The following RPAP2 variants were observed in gnomAD, a reference collection of about 807,000 sequenced individuals.
RPAP2 encodes RNA polymerase II associated protein 2, also known as putative RNA polymerase II subunit B1 CTD phosphatase RPAP2.
Under a neutral mutation model 73.1 loss-of-function variants are expected in RPAP2, and 52 were observed. That is an observed-to-expected ratio of 0.71 (90% CI 0.57 to 0.90). The LOEUF (loss-of-function observed/expected upper bound fraction) is 0.90, where lower values mean the gene tolerates loss of function less well. Among genes scored for constraint, RPAP2 ranks in the 40% least tolerant of loss-of-function variants. The pLI, the probability that RPAP2 is intolerant of heterozygous loss-of-function variation, is 0.00. For synonymous variants in RPAP2, 225 were observed against 242.1 expected (o/e 0.93, Z 0.65); for missense variants, 598 against 701.8 (o/e 0.85, Z 1.67).
At position 92,398,467 on chromosome 1, in the gene RPAP2, A is replaced by G. The variant is rs1656240101; in HGVS notation, c.*11456A>G. ...ATTAGGGGACAAGATCAATTCTCTA[A>G]AAAATTAACCTAGCCCAAGGTAAGT... On this transcript the variant is annotated 3_prime_UTR_variant, in exon 13 of 13. Coordinates refer to ENST00000610020, the MANE Select transcript of RPAP2 (RefSeq NM_024813.3). 6.6e-6 allele frequency: 1 copy of G among 152,206 alleles called. No individual in the cohort carries two copies. The highest frequency in any genetic ancestry group is 2.4e-5 in the African/African-American group (1 of 41,460). The allele number at this position is 152,206 out of a possible 1,614,324, so 9.4% of individuals were successfully genotyped here.
At chr1:92,320,884 T>C (rs1292756765) in intron 7 of RPAP2, among the ~76,000 whole-genome samples, 1 of 152,214 alleles carries the variant, frequency 6.6e-6, no homozygotes, top group Non-Finnish European at 1.5e-5. Flanking sequence ...CCTGTTGAAA[T>C]ATGACATAAA....
intron 1 of RPAP2, among the ~76,000 whole-genome samples, chr1:92,299,498 C>T (rs1439084061): frequency 1.3e-5 from 2 of 152,116 alleles, no homozygotes; most frequent in African/African-American, 4.8e-5. Flanking sequence ...GACCGGTCCT[C>T]CTTTCCAGAT....
intron 2 of RPAP2, 51 bp from the exon 3 acceptor site, chr1:92,301,425 A>C (rs1011173055): frequency 2.2e-6 from 2 of 916,962 alleles, no homozygotes; most frequent in East Asian, 2.6e-5. Context: ...AAAACATGGA[A>C]TGTTGGACAT....
chr1:92,347,902 G>C (rs1184299215), intron 11 of RPAP2, among the ~76,000 whole-genome samples: 1 of 152,012 alleles, frequency 6.6e-6, no homozygotes, highest in Non-Finnish European at 1.5e-5. Flanking sequence ...TTTCATATTG[G>C]GCAATCAATC....
In RPAP2 at chr1:92,330,403, A is replaced by G. The variant is rs138050988; in HGVS notation, c.1456-2988A>G. On this transcript the variant is annotated intron_variant, in intron 8 of 12. Coordinates refer to ENST00000610020, the MANE Select transcript of RPAP2 (RefSeq NM_024813.3). The stretch of plus-strand genomic sequence containing the variant: ...AAATGTTTAGAAGATCACTCATTGA[A>G]CTATCTTTTCCTCTGATTTTCTTTG... 2.5e-3 allele frequency among the ~76,000 whole-genome samples: 381 copies of G among 149,978 alleles called. 3 individuals are homozygous for G. Among genetic ancestry groups the G allele is most frequent in the South Asian group, 9.2e-3 (44 of 4,762 alleles).
In RPAP2 at chr1:92,323,494, T is replaced by C. The variant is rs779030687; in HGVS notation, c.574T>C (p.Ser192Pro). 4 of 1,613,334 alleles carry C rather than the reference T, an allele frequency of 2.5e-6. No individual in the cohort carries two copies. The highest frequency in any genetic ancestry group is 2.5e-6 in the Non-Finnish European group (3 of 1,179,624). The change falls in exon 8 of 13, where the codon TCA becomes CCA. Residue 192 changes from serine to proline, a missense_variant. Ser to Pro is a moderately conservative substitution (Grantham distance 74). This residue lies in a region of RPAP2 where 506 missense variants were observed against 612.8 expected (regional missense o/e 0.83). Transcript: ENST00000610020. ...GTTATGCAGTAAAGCCATTAAAACATCAGATATCGACAATCCTAGCCACTT... is the reference window on the plus strand; with the variant it reads ...GTTATGCAGTAAAGCCATTAAAACACCAGATATCGACAATCCTAGCCACTT... ...VQLCSKAIKTSDIDNPSHFEK... is the reference protein window; with the variant it reads ...VQLCSKAIKTPDIDNPSHFEK...
intron 6 of RPAP2, among the ~76,000 whole-genome samples, chr1:92,307,750 T>C (rs1016993650): frequency 2.6e-5 from 4 of 152,132 alleles, no homozygotes; most frequent in Admixed American, 6.5e-5. Context: ...AAAAAGAGTT[T>C]ATGGGCAATG....
At position 92,343,459 on chromosome 1, in the gene RPAP2, T is replaced by C. The variant is rs536101646; in HGVS notation, c.1620-2387T>C. On this transcript the variant is annotated intron_variant, in intron 10 of 12. Transcript: ENST00000610020. Reference sequence around the variant, plus strand: ...CATATCTTTCAGACTCTAACCATTATATACTGTACTTCCTATCATCTAGGC... The same window carrying C: ...CATATCTTTCAGACTCTAACCATTACATACTGTACTTCCTATCATCTAGGC... Among the ~76,000 whole-genome samples the C allele has an allele frequency of 1.9e-3, 284 of 152,318 alleles. 1 individual carries two copies. Among genetic ancestry groups the C allele is most frequent in the African/African-American group, 6.1e-3 (254 of 41,574 alleles).
intron 6 of RPAP2, 120 bp downstream of exon 6, chr1:92,307,396 T>A (rs750501530): frequency 6.5e-6 from 4 of 614,384 alleles, no homozygotes; most frequent in Non-Finnish European, 1.1e-5. Flanking sequence ...TTATATACTT[T>A]ATGGGGAAAT....
chr1:92,327,661 G>A (rs982962452), intron 8 of RPAP2, among the ~76,000 whole-genome samples: 9 of 151,338 alleles, frequency 5.9e-5, no homozygotes, highest in African/African-American at 2.2e-4. Context: ...TTCAATGTTA[G>A]TATTGAGATG....
In RPAP2 at chr1:92,373,733, T is replaced by TAAAAAAAAAAAA. The variant is rs1395822870; in HGVS notation, c.1689-6986_1689-6985insAAAAAAAAAAAA. ...CAACATGGTGAAACCCCGTCTCTAC[T>TAAAAAAAAAAAA]AAAAATAAAAAAAAAAAAAAAAAAA... On this transcript the variant is annotated intron_variant, in intron 11 of 12. Transcript: ENST00000610020. 1.5e-4 allele frequency among the ~76,000 whole-genome samples: 6 copies of TAAAAAAAAAAAA among 40,904 alleles called. 1 individual carries two copies. Among genetic ancestry groups the TAAAAAAAAAAAA allele is most frequent in the Admixed American group, 3.8e-4 (1 of 2,666 alleles). The allele number at this position is 40,904 out of a possible 152,430, so 26.8% of individuals were successfully genotyped here.
In RPAP2 at chr1:92,300,240, G is replaced by A. The variant is rs1650721638; in HGVS notation, c.119+1G>A. The A allele has an allele frequency of 6.2e-7, 1 of 1,605,620 alleles. No homozygotes were observed. The highest frequency in any genetic ancestry group is 8.5e-7 in the Non-Finnish European group (1 of 1,173,014). On this transcript the variant is annotated splice_donor_variant, in intron 2 of 12. Transcript: ENST00000610020. LOFTEE classifies it high-confidence loss of function. ...TGAAACAAGAAGATGCTTCTAAAAG[G>A]TATGACAGCTACATGGACAACTACA...
intron 11 of RPAP2, among the ~76,000 whole-genome samples, chr1:92,375,648 T>C (rs1429602363): frequency 2.6e-5 from 4 of 152,126 alleles, no homozygotes; most frequent in Non-Finnish European, 5.9e-5. Flanking sequence ...CTGGCCAACA[T>C]GGTGAAACCC....
At position 92,390,171 on chromosome 1, in the gene RPAP2, A is replaced by C. The variant is rs1308207727; in HGVS notation, c.*3160A>C. 1 of 152,248 alleles carries C rather than the reference A, an allele frequency of 6.6e-6. No individual in the cohort carries two copies. The highest frequency in any genetic ancestry group is 2.4e-5 in the African/African-American group (1 of 41,462). 9.4% of individuals were successfully genotyped at this position (152,248 alleles called of 1,614,324 possible). On this transcript the variant is annotated 3_prime_UTR_variant, in exon 13 of 13. Coordinates refer to ENST00000610020, the MANE Select transcript of RPAP2 (RefSeq NM_024813.3). Reference sequence around the variant, plus strand: ...AAAGGTCAGGTTACCCACAAAGGGAAGCCCATCAGATTAACAGCGGACCTC... The same window carrying C: ...AAAGGTCAGGTTACCCACAAAGGGACGCCCATCAGATTAACAGCGGACCTC...
chr1:92,364,849 A>G (rs980640885), intron 11 of RPAP2, among the ~76,000 whole-genome samples: 3 of 151,968 alleles, frequency 2.0e-5, no homozygotes, highest in African/African-American at 7.3e-5. Flanking sequence ...AAATCATCTC[A>G]CTGAAGCTTA....
rs1481949019 is a variant in RPAP2, at chr1:92,394,652, C to CAA, written c.*7647_*7648dup. 1 of 151,204 alleles carries CAA rather than the reference C, an allele frequency of 6.6e-6. No individual in the cohort carries two copies. Among genetic ancestry groups the CAA allele is most frequent in the South Asian group, 2.1e-4 (1 of 4,786 alleles). 9.4% of individuals were successfully genotyped at this position (151,204 alleles called of 1,614,324 possible). A position where few individuals can be genotyped will look rare whatever the true frequency, so the allele number is the denominator to read the frequency against. ...TGGGCAACAGAGCAAGACCCTGTCT[C>CAA]AAAAAAAGAAAAAGAAAAATTCAGA... On this transcript the variant is annotated 3_prime_UTR_variant, in exon 13 of 13. Transcript: ENST00000610020.
intron 11 of RPAP2, among the ~76,000 whole-genome samples, chr1:92,357,307 A>G (rs530232506): frequency 1.1e-3 from 169 of 152,280 alleles, no homozygotes; most frequent in Middle Eastern, 3.4e-3. Context: ...AAAAAAGAAA[A>G]AGGCACAAAA....
chr1:92,351,045 G>A (rs1330473346), intron 11 of RPAP2, among the ~76,000 whole-genome samples: 1 of 152,054 alleles, frequency 6.6e-6, no homozygotes, highest in Non-Finnish European at 1.5e-5. Flanking sequence ...GGGGTGCAGT[G>A]TCTCACGCCT....
At chr1:92,370,636 A>G (rs1655109152) in intron 11 of RPAP2, among the ~76,000 whole-genome samples, 1 of 151,890 alleles carries the variant, frequency 6.6e-6, no homozygotes, top group African/African-American at 2.4e-5. Context: ...GTTTATTAGC[A>G]GTTTTGTGAA....
Sources: allele counts gnomAD v4.1 joint callset (sites outside exome capture counted in the v4.1 genomes callset), GRCh38; gene constraint gnomAD v4.1.1; regional missense constraint gnomAD v4.1.1; transcripts MANE v1.5; gene names NCBI Gene and HGNC (gene_info 2026-07-23, HGNC 2026-07-21).